TRPC5: variants seen among roughly 807,000 people sequenced by gnomAD.
TRPC5 encodes the protein transient receptor potential cation channel subfamily C member 5.
Under a neutral mutation model 56.5 loss-of-function variants are expected in TRPC5, and 9 were observed. The observed-to-expected ratio is 0.16, with a 90% CI of 0.10 to 0.28. The LOEUF is 0.28. TRPC5 is among the 10% of genes least tolerant of loss of function. The pLI, the probability that TRPC5 is intolerant of heterozygous loss-of-function variation, is 1.00. For synonymous variants in TRPC5, 282 were observed against 278.5 expected, an observed-to-expected ratio of 1.01 and a Z score of -0.13; for missense variants, 469 against 748.9, an observed-to-expected ratio of 0.63 and a Z score of 4.36.
At chrX:111,887,398 T>C (rs138955185) in intron 3 of TRPC5, among the ~76,000 whole-genome samples, 1,637 of 112,117 alleles carry the variant, frequency 0.015, 25 homozygotes, top group African/African-American at 0.051. Flanking sequence ...CATTTGCTGG[T>C]GAAACACATT....
chrX:111,979,439 A>G (rs1395066484), intron 1 of TRPC5, among the ~76,000 whole-genome samples: 8 of 111,675 alleles, frequency 7.2e-5, no homozygotes, highest in Non-Finnish European at 1.9e-5. Flanking sequence ...TAACATCAAA[A>G]GTATAATCTA....
intron 1 of TRPC5, among the ~76,000 whole-genome samples, chrX:112,051,001 A>G (rs931287977): frequency 8.9e-6 from 1 of 112,568 alleles, no homozygotes; most frequent in Admixed American, 9.4e-5. Context: ...TGTATACCCG[A>G]TATCTACTCT....
chrX:111,880,507 C>A (rs748502504), intron 3 of TRPC5, among the ~76,000 whole-genome samples: 9 of 112,461 alleles, frequency 8.0e-5, no homozygotes, highest in Admixed American at 2.8e-4. Flanking sequence ...ACCTGCTTTG[C>A]TCTGAATAGT....
In TRPC5 at chrX:111,839,667, C is replaced by T. The variant is rs781251326; in HGVS notation, c.1701-4551G>A. 5.9e-4 allele frequency among the ~76,000 whole-genome samples: 66 copies of T among 111,280 alleles called. No individual in the cohort carries two copies. In the South Asian group the frequency reaches 7.7e-3, roughly 13 times the overall value. On this transcript the variant is annotated intron_variant, in intron 6 of 10. Transcript: ENST00000262839. ...AAAATGGCATAGTGTTTATGTATAA[C>T]GTAAGCACATATCCTCCCATATACT...
intron 3 of TRPC5, among the ~76,000 whole-genome samples, chrX:111,879,586 G>A (rs1170137726): frequency 8.9e-6 from 1 of 112,477 alleles, no homozygotes; most frequent in Non-Finnish European, 1.9e-5. Flanking sequence ...AAAGAGTGAT[G>A]CATCCAAATA....
intron 6 of TRPC5, among the ~76,000 whole-genome samples, chrX:111,841,116 C>T (rs183948889): frequency 8.9e-6 from 1 of 111,935 alleles, no homozygotes; most frequent in Admixed American, 9.5e-5. Flanking sequence ...ATGGGAACTA[C>T]GTGTGTATCC....
chrX:111,975,338 A>AG (rs1927892642), intron 1 of TRPC5, among the ~76,000 whole-genome samples: 1 of 108,017 alleles, frequency 9.3e-6, no homozygotes, highest in African/African-American at 3.4e-5. Context: ...AAAAAAAAAA[A>AG]CAGCAGCAAC....
chrX:111,924,543 G>T, intron 2 of TRPC5, among the ~76,000 whole-genome samples: 1 of 111,188 alleles, frequency 9.0e-6, no homozygotes, highest in East Asian at 2.8e-4. Context: ...AACATCAAAA[G>T]CATTCCCTTT....
At chrX:111,880,919 C>G (rs1924181245) in intron 3 of TRPC5, among the ~76,000 whole-genome samples, 1 of 111,649 alleles carries the variant, frequency 9.0e-6, no homozygotes, top group African/African-American at 3.3e-5. Context: ...GCTACTTCCT[C>G]ACAATGGAAC....
chrX:111,861,846 T>C, intron 3 of TRPC5, among the ~76,000 whole-genome samples: 1 of 111,394 alleles, frequency 9.0e-6, no homozygotes, highest in East Asian at 2.8e-4. Context: ...TTTATTTTTA[T>C]AGTCACAGAG....
At chrX:112,060,158 G>T (rs1422324830) in intron 1 of TRPC5, among the ~76,000 whole-genome samples, 1 of 111,791 alleles carries the variant, frequency 8.9e-6, no homozygotes, top group Non-Finnish European at 1.9e-5. Context: ...GGTTGGGCAT[G>T]CCCTCTGCTG....
intron 1 of TRPC5, among the ~76,000 whole-genome samples, chrX:112,035,948 T>TAC (rs922208008): frequency 3.8e-5 from 4 of 106,615 alleles, no homozygotes; most frequent in Non-Finnish European, 5.8e-5. Flanking sequence ...TTATATGTTA[T>TAC]ACACACACAC....
intron 4 of TRPC5, 78 bp from the exon 5 acceptor site, chrX:111,852,515 G>T (rs902862045): frequency 2.0e-6 from 2 of 1,011,294 alleles, no homozygotes; most frequent in South Asian, 2.9e-5. Context: ...CCCTCCAGGT[G>T]AATAAGGATG....
At position 112,055,694 on chromosome X, in the gene TRPC5, TTG is replaced by T. The variant is rs201088710; in HGVS notation, c.-22+26183_-22+26184del. 4.2e-4 allele frequency among the ~76,000 whole-genome samples: 46 copies of T among 109,306 alleles called. 2 individuals carry two copies. In the East Asian group the frequency reaches 0.011, roughly 27 times the overall value. 94.9% of individuals were successfully genotyped at this position (109,306 alleles called of 115,157 possible). A position where few individuals can be genotyped will look rare whatever the true frequency, so the allele number is the denominator to read the frequency against. ...CCTTTTTGCCTGTGTTAAAGGAATT[TTG>T]TGTGTTTCTAGTACAGTAGCATATG... On this transcript the variant is annotated intron_variant, in intron 1 of 10. Coordinates refer to ENST00000262839, the MANE Select transcript of TRPC5 (RefSeq NM_012471.3).
chrX:111,780,621 G>A, intron 9 of TRPC5, among the ~76,000 whole-genome samples: 1 of 110,678 alleles, frequency 9.0e-6, no homozygotes. Context: ...CAGCCCTCTT[G>A]TATATGTGGT....
intron 5 of TRPC5, 116 bp from the exon 6 acceptor site, chrX:111,847,552 A>G (rs1465559016): frequency 2.2e-5 from 13 of 602,744 alleles, no homozygotes; most frequent in East Asian, 1.1e-4. Context: ...TCAAGCATTC[A>G]TTATGCAACA....
intron 3 of TRPC5, among the ~76,000 whole-genome samples, chrX:111,868,189 A>T (rs905507935): frequency 2.7e-5 from 3 of 112,126 alleles, no homozygotes; most frequent in Admixed American, 9.5e-5. Flanking sequence ...ATGAAAAAAA[A>T]GGGAAAGTCC....
intron 1 of TRPC5, among the ~76,000 whole-genome samples, chrX:112,008,117 A>G (rs113688222): frequency 0.086 from 9,665 of 111,831 alleles, 592 homozygotes; most frequent in African/African-American, 0.22. Flanking sequence ...TTCCTCTCAT[A>G]AGAAGAGCCT....
Position 111,825,215 on chromosome X carries a change from CTT to C in TRPC5, c.1896+9704_1896+9705del, listed in dbSNP as rs1922185587. Among the ~76,000 whole-genome samples the C allele has an allele frequency of 2.7e-4, 16 of 59,877 alleles. No individual in the cohort carries two copies. In the East Asian group the frequency reaches 3.5e-3, roughly 13 times the overall value. The allele number at this position is 59,877 out of a possible 115,157, so 52.0% of individuals were successfully genotyped here. A position where few individuals can be genotyped will look rare whatever the true frequency, so the allele number is the denominator to read the frequency against. ...TCTTTCTTTCTTTCTTTCTTTCTTT[CTT>C]TCTTCTTTCTTTCTCTCTCTCTCTC... On this transcript the variant is annotated intron_variant, in intron 7 of 10. Transcript: ENST00000262839.
Sources: allele counts gnomAD v4.1 joint callset (sites outside exome capture counted in the v4.1 genomes callset), GRCh38; gene constraint gnomAD v4.1.1; transcripts MANE v1.5; gene names NCBI Gene and HGNC (gene_info 2026-07-23, HGNC 2026-07-21).